EXT1: variants seen among roughly 807,000 people sequenced by gnomAD.
EXT1 encodes exostosin glycosyltransferase 1.
EXT1 carries 20 observed loss-of-function variants against 82.5 expected under a neutral mutation model. The observed-to-expected ratio is 0.24, with a 90% CI of 0.17 to 0.35. EXT1 has a LOEUF of 0.35. EXT1 is among the 10% of genes least tolerant of loss of function. The pLI, the probability that EXT1 is intolerant of heterozygous loss-of-function variation, is 1.00. For missense variants in EXT1, 757 were observed against 936.5 expected, an observed-to-expected ratio of 0.81 and a Z score of 2.50; for synonymous variants, 348 against 350.8, an observed-to-expected ratio of 0.99 and a Z score of 0.09.
chr8:117,843,801 T>C (rs549649808), intron 1 of EXT1, among the ~76,000 whole-genome samples: 4 of 152,164 alleles, frequency 2.6e-5, no homozygotes, highest in Non-Finnish European at 5.9e-5. Flanking sequence ...AGGTCACAGC[T>C]AGGACCAACC....
At chr8:117,875,918 A>T (rs12678309) in intron 1 of EXT1, among the ~76,000 whole-genome samples, 43,242 of 151,988 alleles carry the variant, frequency 0.28, 6,638 homozygotes, top group African/African-American at 0.39. Flanking sequence ...CCAGGCAGGG[A>T]AGAGGGCAAC....
Position 118,110,986 on chromosome 8 carries a change from A to G in EXT1, c.61T>C (p.Phe21Leu). ...CTAAACTGCAAGCCTCCGAAATAAA[A>G]CAAAAGGGCGAGACAAGAGCCAGCT... is the stretch of plus-strand genomic sequence containing the variant. ...LSAGSCLALL[F>L]YFGGLQFRAS... The change falls in exon 1 of 11, where the codon TTT (phenylalanine) becomes CTT (leucine). Residue 21 changes from phenylalanine (F) to leucine (L), a missense_variant. Phe to Leu is a conservative substitution (Grantham distance 22). Coordinates refer to ENST00000378204, the MANE Select transcript of EXT1 (RefSeq NM_000127.3). The G allele has an allele frequency of 1.2e-6, 2 of 1,609,212 alleles. No individual in the cohort carries two copies. Among genetic ancestry groups the G allele is most frequent in the Middle Eastern group, 1.7e-4 (1 of 6,058 alleles).
chr8:118,055,890 G>A (rs1424517296), intron 1 of EXT1, among the ~76,000 whole-genome samples: 2 of 152,044 alleles, frequency 1.3e-5, no homozygotes, highest in East Asian at 1.9e-4. Flanking sequence ...TATGATTTCT[G>A]CCAAATTTCT....
intron 5 of EXT1, among the ~76,000 whole-genome samples, chr8:117,821,846 A>C (rs898832898): frequency 5.9e-5 from 9 of 152,180 alleles, no homozygotes; most frequent in Non-Finnish European, 2.9e-5. Flanking sequence ...TAAGGCAATA[A>C]CAGTAGCCGG....
intron 1 of EXT1, among the ~76,000 whole-genome samples, chr8:117,865,696 C>G (rs1337378678): frequency 6.6e-6 from 1 of 152,144 alleles, no homozygotes. Flanking sequence ...CAATATTCAT[C>G]CTGTCTGGAG....
intron 1 of EXT1, among the ~76,000 whole-genome samples, chr8:117,869,100 G>A (rs1280969251): frequency 6.6e-6 from 1 of 152,120 alleles, no homozygotes; most frequent in Non-Finnish European, 1.5e-5. Context: ...GCGCCCACAG[G>A]CCCCCACCCA....
chr8:118,013,412 T>C (rs1815942172), intron 1 of EXT1, among the ~76,000 whole-genome samples: 1 of 152,198 alleles, frequency 6.6e-6, no homozygotes, highest in Non-Finnish European at 1.5e-5. Flanking sequence ...TTTTACCATG[T>C]TGGCCAGGCT....
At chr8:117,937,412 G>A (rs1038637833) in intron 1 of EXT1, among the ~76,000 whole-genome samples, 6 of 152,168 alleles carry the variant, frequency 3.9e-5, no homozygotes, top group Admixed American at 6.5e-5. Flanking sequence ...CTACACAGAC[G>A]CTCCATGGCA....
At chr8:117,986,716 C>T (rs532106231) in intron 1 of EXT1, among the ~76,000 whole-genome samples, 1 of 152,276 alleles carries the variant, frequency 6.6e-6, no homozygotes, top group East Asian at 1.9e-4. Flanking sequence ...CGGACCACTT[C>T]GTGGGTTCTT....
intron 5 of EXT1, among the ~76,000 whole-genome samples, chr8:117,820,687 A>T (rs908666916): frequency 6.6e-6 from 1 of 150,726 alleles, no homozygotes. Flanking sequence ...ACATAGCAAG[A>T]CTCCGTCTTA....
chr8:117,874,074 G>A (rs1812923709), intron 1 of EXT1, among the ~76,000 whole-genome samples: 1 of 152,154 alleles, frequency 6.6e-6, no homozygotes, highest in Admixed American at 6.5e-5. Flanking sequence ...AAAGCAGCTG[G>A]TGAGTAAATT....
intron 1 of EXT1, among the ~76,000 whole-genome samples, chr8:117,872,484 A>C (rs1281917791): frequency 6.7e-6 from 1 of 150,032 alleles, no homozygotes; most frequent in East Asian, 1.9e-4. Context: ...AACTCAGAAT[A>C]ACACTATCAA....
At chr8:117,887,977 C>T (rs989834723) in intron 1 of EXT1, among the ~76,000 whole-genome samples, 1 of 151,498 alleles carries the variant, frequency 6.6e-6, no homozygotes, top group African/African-American at 2.4e-5. Flanking sequence ...CCCAGCTACT[C>T]GGGAGGCTGA....
At chr8:117,985,237 C>T (rs972811702) in intron 1 of EXT1, among the ~76,000 whole-genome samples, 2 of 152,250 alleles carry the variant, frequency 1.3e-5, no homozygotes, top group African/African-American at 2.4e-5. Flanking sequence ...GCTGCTCACT[C>T]ATTCTGCCAG....
rs1816717455 is a variant in EXT1, at chr8:118,051,543, CAAAGT to C, written c.962+58537_962+58541del. The stretch of plus-strand genomic sequence containing the variant: ...AAGAATTGATGGGCCAGGGAAAACA[CAAAGT>C]AAAGAGAAAGTCCTGGCAACCCTGG... On this transcript the variant is annotated intron_variant, in intron 1 of 10. Transcript: ENST00000378204. Among the ~76,000 whole-genome samples, 3 of 152,178 alleles carry C rather than the reference CAAAGT, an allele frequency of 2.0e-5. No homozygotes were observed. In the South Asian group the frequency reaches 6.2e-4, roughly 32 times the overall value.
intron 1 of EXT1, among the ~76,000 whole-genome samples, chr8:118,030,200 T>A (rs1394532655): frequency 6.7e-6 from 1 of 150,276 alleles, no homozygotes; most frequent in Non-Finnish European, 1.5e-5. Context: ...GGTGATTTTG[T>A]GAGAAGGGAT....
chr8:118,074,885 G>A (rs946330914), intron 1 of EXT1, among the ~76,000 whole-genome samples: 17 of 152,282 alleles, frequency 1.1e-4, no homozygotes, highest in African/African-American at 4.1e-4. Flanking sequence ...CAAATTGGAA[G>A]GAATATGAAA....
chr8:117,953,412 T>C (rs928603259), intron 1 of EXT1, among the ~76,000 whole-genome samples: 5 of 151,572 alleles, frequency 3.3e-5, no homozygotes, highest in African/African-American at 1.2e-4. Flanking sequence ...CTGCAAATGG[T>C]TTTTCTTAGC....
At chr8:117,820,380 G>C (rs981704324) in intron 5 of EXT1, among the ~76,000 whole-genome samples, 1 of 152,068 alleles carries the variant, frequency 6.6e-6, no homozygotes, top group African/African-American at 2.4e-5. Context: ...GCCAAATATG[G>C]GGTTATCTTG....
Sources: allele counts gnomAD v4.1 joint callset (sites outside exome capture counted in the v4.1 genomes callset), GRCh38; gene constraint gnomAD v4.1.1; transcripts MANE v1.5; gene names NCBI Gene and HGNC (gene_info 2026-07-23, HGNC 2026-07-21).